The following ATP2A3 variants were observed in gnomAD, a reference collection of about 807,000 sequenced individuals.
The protein encoded by ATP2A3 is ATPase sarcoplasmic/endoplasmic reticulum Ca2+ transporting 3.
A neutral mutation model predicts 106.8 loss-of-function variants in ATP2A3; 61 were observed. The ratio of observed to expected loss-of-function variants is 0.57; its 90% CI spans 0.46 to 0.71. ATP2A3 has a LOEUF of 0.71. Ranked by LOEUF, ATP2A3 falls within the 30% of genes least tolerant of loss-of-function variation. The pLI is 0.00. For missense variants in ATP2A3, 1,201 were observed against 1,423.5 expected, an observed-to-expected ratio of 0.84 and a Z score of 2.52; for synonymous variants, 611 against 609.3, an observed-to-expected ratio of 1.00 and a Z score of -0.04.
chr17:3,936,721 TACACACACAC>T lies in ATP2A3; in HGVS notation c.2322-262_2322-253del, dbSNP rs57648128. The T allele has an allele frequency of 2.0e-4, 82 of 408,444 alleles. No individual in the cohort carries two copies. The highest frequency in any genetic ancestry group is 4.5e-4 in the South Asian group (19 of 41,940). 25.3% of individuals were successfully genotyped at this position (408,444 alleles called of 1,614,324 possible). On this transcript the variant is annotated intron_variant, in intron 15 of 20. Coordinates refer to ENST00000397041, the MANE Select transcript of ATP2A3 (RefSeq NM_005173.4). The surrounding 1 kb of genome is among the most constrained non-coding windows in gnomAD (Gnocchi z 5.4). ...CTCTTTAGGCCTAGCAGAGGCCAAG[TACACACACAC>T]ACACACACACACACACACACACACG...
intron 14 of ATP2A3, among the ~76,000 whole-genome samples, chr17:3,940,007 T>C (rs2053657041): frequency 1.4e-5 from 2 of 146,990 alleles, no homozygotes; most frequent in Non-Finnish European, 3.0e-5. Context: ...CGGAACTTCA[T>C]GGGTTGATGG....
intron 12 of ATP2A3, 101 bp from the exon 13 acceptor site, chr17:3,941,755 G>T: frequency 7.9e-7 from 1 of 1,266,454 alleles, no homozygotes; most frequent in Non-Finnish European, 1.1e-6. Context: ...ACGGGCAAAG[G>T]CCACCCAAGG....
rs2053027083 is a variant in ATP2A3 at position 3,930,697 on chromosome 17, G to C, written c.2611-263C>G. 7.1e-6 allele frequency: 4 copies of C among 566,048 alleles called. No homozygotes were observed. In the South Asian group the frequency reaches 7.8e-5, roughly 11 times the overall value. 35.1% of individuals were successfully genotyped at this position (566,048 alleles called of 1,614,324 possible). A position where few individuals can be genotyped will look rare whatever the true frequency, so the allele number is the denominator to read the frequency against. ...GCAGGAGTGCAGCGGCTCAGAAGGA[G>C]AACAGCTGGCATTAGCCTGGGGAGG... On this transcript the variant is annotated intron_variant, in intron 17 of 20. Coordinates refer to ENST00000397041, the MANE Select transcript of ATP2A3 (RefSeq NM_005173.4). This position sits in a 1 kb window ranked among gnomAD's most constrained non-coding sequence, Gnocchi z 5.4.
In ATP2A3 at chr17:3,956,174, G is replaced by C. The variant is rs373740207; in HGVS notation, c.119-2464C>G. Among the ~76,000 whole-genome samples, 14 of 152,206 alleles carry C rather than the reference G, an allele frequency of 9.2e-5. No individual in the cohort carries two copies. In the East Asian group the frequency reaches 1.4e-3, roughly 15 times the overall value. On this transcript the variant is annotated intron_variant, in intron 1 of 20. Transcript: ENST00000397041. ...TGGGATTAGAAGTGTGAGCCACCGC[G>C]CCCGGCTCAGTTCACCTTTCTCTAC...
Position 3,925,321 on chromosome 17 carries a change from G to T in ATP2A3, c.*101C>A. ...TCATTTATCCGGCGGGACCCGGTGGGCAAGTGGGCGAGTGTGGTGGCAAGG... is the reference window on the plus strand; with the variant it reads ...TCATTTATCCGGCGGGACCCGGTGGTCAAGTGGGCGAGTGTGGTGGCAAGG... On this transcript the variant is annotated 3_prime_UTR_variant, in exon 21 of 21. Transcript: ENST00000397041. This position sits in a 1 kb window ranked among gnomAD's most constrained non-coding sequence, Gnocchi z 4.2. 4 of 1,599,436 alleles carry T rather than the reference G, an allele frequency of 2.5e-6. No homozygotes were observed. The highest frequency in any genetic ancestry group is 3.4e-6 in the Non-Finnish European group (4 of 1,169,782).
At position 3,928,012 on chromosome 17, in the gene ATP2A3, C is replaced by A. The variant is rs113298390; in HGVS notation, c.2980+651G>T. On this transcript the variant is annotated intron_variant, in intron 20 of 20. Transcript: ENST00000397041. This position sits in a 1 kb window ranked among gnomAD's most constrained non-coding sequence, Gnocchi z 6.1. ...TTCCTCCCTCTCTGAGCAGCTCTGA[C>A]AGCGAGACGATGCTGTGTCCCTGGC... The A allele has an allele frequency of 6.2e-7, 1 of 1,613,976 alleles. No individual in the cohort carries two copies. Among genetic ancestry groups the A allele is most frequent in the Non-Finnish European group, 8.5e-7 (1 of 1,180,032 alleles).
chr17:3,963,479 A>C (rs2055251052), intron 1 of ATP2A3, among the ~76,000 whole-genome samples: 1 of 152,208 alleles, frequency 6.6e-6, no homozygotes, highest in South Asian at 2.1e-4. Context: ...CACTCCTTTG[A>C]AGGAGGTGAG....
At position 3,936,748 on chromosome 17, in the gene ATP2A3, A is replaced by G; in HGVS notation, c.2322-279T>C. 3 of 489,860 alleles carry G rather than the reference A, an allele frequency of 6.1e-6. No homozygotes were observed. Among genetic ancestry groups the G allele is most frequent in the East Asian group, 3.9e-5 (1 of 25,420 alleles). 30.3% of individuals were successfully genotyped at this position (489,860 alleles called of 1,614,324 possible). ...CACACACACACACACACACACACAC[A>G]CACACACGCACACGAAGAGGGCATG... is the stretch of plus-strand genomic sequence containing the variant. On this transcript the variant is annotated intron_variant, in intron 15 of 20. Coordinates refer to ENST00000397041, the MANE Select transcript of ATP2A3 (RefSeq NM_005173.4). This position sits in a 1 kb window ranked among gnomAD's most constrained non-coding sequence, Gnocchi z 5.4.
Position 3,950,728 on chromosome 17 carries a change from G to T in ATP2A3, c.509C>A (p.Ser170Tyr), listed in dbSNP as rs1307304539. 1.9e-6 allele frequency: 3 copies of T among 1,613,990 alleles called. No homozygotes were observed. The highest frequency in any genetic ancestry group is 2.5e-6 in the Non-Finnish European group (3 of 1,180,022). ...GGACTGGTCCACTCGCAGCGTGGTG[G>T]ACTTGATCTCGATGAGGCGGAGGTC... is the stretch of plus-strand genomic sequence containing the variant. ...PADLRLIEIK[S>Y]TTLRVDQSIL... Residue 170 changes from serine (S) to tyrosine (Y), a missense_variant, in exon 6 of 21, where the codon TCC (serine) becomes TAC (tyrosine). Ser to Tyr is a moderately radical substitution (Grantham distance 144). Transcript: ENST00000397041.
intron 4 of ATP2A3, 23 bp downstream of exon 4, chr17:3,951,558 G>GCCCCCCCCCCCC: frequency 4.2e-6 from 3 of 716,228 alleles, no homozygotes; most frequent in Non-Finnish European, 4.3e-6. Context: ...CCCCCGCCCG[G>GCCCCCCCCCCCC]TCCCACCCCC....
At position 3,947,060 on chromosome 17, in the gene ATP2A3, G is replaced by C. The variant is rs1252185670; in HGVS notation, c.1095+331C>G. Among the ~76,000 whole-genome samples the C allele has an allele frequency of 6.6e-6, 1 of 152,228 alleles. No individual in the cohort carries two copies. Among genetic ancestry groups the C allele is most frequent in the Admixed American group, 6.5e-5 (1 of 15,280 alleles). On this transcript the variant is annotated intron_variant, in intron 8 of 20. Coordinates refer to ENST00000397041, the MANE Select transcript of ATP2A3 (RefSeq NM_005173.4). This position sits in a 1 kb window ranked among gnomAD's most constrained non-coding sequence, Gnocchi z 7.7. ...GGCCCAGCTTGGCCCCTATGCCAAG[G>C]CTGAACTTGAGCCTCTCCTATGTCC... is the stretch of plus-strand genomic sequence containing the variant.
At position 3,953,644 on chromosome 17, in the gene ATP2A3, C is replaced by A; in HGVS notation, c.136+49G>T. 2 of 1,556,810 alleles carry A rather than the reference C, an allele frequency of 1.3e-6. No individual in the cohort carries two copies. Among genetic ancestry groups the A allele is most frequent in the Non-Finnish European group, 1.7e-6 (2 of 1,149,738 alleles). ...AAGTCATGACCAGACAGAGAACGAC[C>A]CAGGGATGCTGCCCGCGGCCTAGAG... On this transcript the variant is annotated intron_variant, in intron 2 of 20. Coordinates refer to ENST00000397041, the MANE Select transcript of ATP2A3 (RefSeq NM_005173.4). This position sits in a 1 kb window ranked among gnomAD's most constrained non-coding sequence, Gnocchi z 5.1.
intron 12 of ATP2A3, 85 bp downstream of exon 12, chr17:3,942,521 G>A (rs562966398): frequency 1.8e-4 from 272 of 1,554,178 alleles, no homozygotes; most frequent in Middle Eastern, 8.3e-4. Flanking sequence ...CCATTCACAC[G>A]GGAGGACTGG....
At chr17:3,927,723 G>A (rs1734771166) in intron 20 of ATP2A3, 1 of 982,938 alleles carries the variant, frequency 1.0e-6, no homozygotes, top group South Asian at 4.7e-5. Flanking sequence ...GCACCCTCGA[G>A]TGAGCCCCTA....
At chr17:3,946,324 G>A (rs1018402085) in intron 8 of ATP2A3, among the ~76,000 whole-genome samples, 1 of 151,942 alleles carries the variant, frequency 6.6e-6, no homozygotes, top group African/African-American at 2.4e-5. Flanking sequence ...GGCCAAGGCG[G>A]GTGGATCACT....
At chr17:3,962,906 G>A (rs2055219454) in intron 1 of ATP2A3, among the ~76,000 whole-genome samples, 1 of 152,198 alleles carries the variant, frequency 6.6e-6, no homozygotes, top group Non-Finnish European at 1.5e-5. Context: ...CAGGGTCAGA[G>A]GCAGCCCATG....
At chr17:3,937,205 G>T in intron 15 of ATP2A3, 2 of 629,202 alleles carry the variant, frequency 3.2e-6, no homozygotes, top group Admixed American at 5.2e-5. Flanking sequence ...GGGTGCTGGG[G>T]TGACCATGAT....
chr17:3,935,298 C>T (rs767860916), intron 16 of ATP2A3, 21 bp from the exon 17 acceptor site: 41 of 1,608,764 alleles, frequency 2.5e-5, no homozygotes, highest in Non-Finnish European at 3.2e-5. Flanking sequence ...GGGAGGAGAC[C>T]GGCTGTAGAG....
At chr17:3,957,965 C>T (rs1191862002) in intron 1 of ATP2A3, among the ~76,000 whole-genome samples, 1 of 152,218 alleles carries the variant, frequency 6.6e-6, no homozygotes, top group Non-Finnish European at 1.5e-5. Flanking sequence ...CTGCCTGGCT[C>T]ATGTTGCCAG....
Sources: gnomAD v4.1 joint callset for allele counts (sites outside exome capture counted in the v4.1 genomes callset) on GRCh38, gnomAD v4.1.1 for gene constraint, Gnocchi (gnomAD v3.1) non-coding constraint, MANE v1.5 for transcripts, NCBI Gene and HGNC (gene_info 2026-07-23, HGNC 2026-07-21) for gene names.